Variants in HDAC5 observed in about 807,000 individuals in gnomAD.
HDAC5 encodes the protein histone deacetylase 5, also known as antigen NY-CO-9.
In HDAC5, 25 loss-of-function variants were observed where a neutral mutation model predicts 133.3. The observed-to-expected ratio is 0.19, with a 90% CI of 0.14 to 0.26. The LOEUF (loss-of-function observed/expected upper bound fraction) is 0.26. Among genes scored for constraint, HDAC5 ranks in the 10% least tolerant of loss-of-function variants. HDAC5 has a pLI of 1.00. For missense variants in HDAC5, 1,041 were observed against 1,460.5 expected (o/e 0.71, Z 4.68); for synonymous variants, 589 against 610.8 (o/e 0.96, Z 0.53).
Position 44,078,540 on chromosome 17 carries a change from C to T in HDAC5, c.3289G>A (p.Glu1097Lys), listed in dbSNP as rs866430035. 16 of 1,612,092 alleles carry T rather than the reference C, an allele frequency of 9.9e-6. No individual in the cohort carries two copies. The highest frequency in any genetic ancestry group is 2.2e-5 in the East Asian group (1 of 44,882). Residue 1097 changes from glutamate (E) to lysine (K), a missense_variant, in exon 26 of 27, where the codon GAG (glutamate) becomes AAG (lysine). Coordinates refer to ENST00000682912, the MANE Select transcript of HDAC5 (RefSeq NM_005474.5). ...CGGGCTGCCGCAGCCTGGGCCTGCT[C>T]GGCCCCCACCGACAGCAAGGCCATG... ...SAMALLSVGAEQAQAAAAREH... is the reference protein window; with the variant it reads ...SAMALLSVGAKQAQAAAAREH...
chr17:44,101,899 GGGAA>G (rs1307934446), intron 3 of HDAC5, among the ~76,000 whole-genome samples: 1 of 152,144 alleles, frequency 6.6e-6, no homozygotes, highest in Admixed American at 6.5e-5. Flanking sequence ...GAGGGGGGCA[GGGAA>G]GGATGTACAA....
At chr17:44,121,391 G>A (rs1273558151) in intron 1 of HDAC5, among the ~76,000 whole-genome samples, 1 of 151,932 alleles carries the variant, frequency 6.6e-6, no homozygotes, top group Non-Finnish European at 1.5e-5. Flanking sequence ...AAGCTACAGT[G>A]CTCCAAAAAT....
chr17:44,101,430 A>AAAAC, intron 3 of HDAC5, among the ~76,000 whole-genome samples: 1 of 151,098 alleles, frequency 6.6e-6, no homozygotes, highest in Non-Finnish European at 1.5e-5. Context: ...AAAAAAAAAA[A>AAAAC]AGACCCTGCT....
At position 44,085,106 on chromosome 17, in the gene HDAC5, G is replaced by A; in HGVS notation, c.2100C>T (p.Asn700=). 6.2e-7 allele frequency: 1 copy of A among 1,605,164 alleles called. No homozygotes were observed. Among genetic ancestry groups the A allele is most frequent in the Non-Finnish European group, 8.5e-7 (1 of 1,172,624 alleles). Residue 700 remains asparagine, a synonymous_variant, in exon 15 of 27, where the codon AAC becomes AAT. Coordinates refer to ENST00000682912, the MANE Select transcript of HDAC5 (RefSeq NM_005474.5). The part of the protein sequence containing the change: ...FMLKHQCMCG[N]THVHPEHAGR... ...CAGCATGCTCAGGGTGCACGTGTGT[G>A]TTCCCGCACATGCACTGGTGCTTTA...
chr17:44,099,293 C>A (rs1458778971), intron 3 of HDAC5, among the ~76,000 whole-genome samples: 13 of 151,964 alleles, frequency 8.6e-5, no homozygotes, highest in Admixed American at 8.5e-4. Flanking sequence ...GGGCCCCCCG[C>A]ACCCAGCTCT....
intron 3 of HDAC5, among the ~76,000 whole-genome samples, chr17:44,098,968 T>A (rs1346746586): frequency 6.6e-6 from 1 of 151,194 alleles, no homozygotes; most frequent in Admixed American, 6.6e-5. Context: ...ATTACAAAAT[T>A]AGCCGGGTGT....
In HDAC5 at chr17:44,087,360, GAGA is replaced by G. The variant is rs149320814; in HGVS notation, c.1884+49_1884+51del. 8.4e-4 allele frequency: 610 copies of G among 722,788 alleles called. 5 individuals are homozygous for G. The East Asian group carries it at 0.014, about 17-fold the overall frequency. 44.8% of individuals were successfully genotyped at this position (722,788 alleles called of 1,614,324 possible). A position where few individuals can be genotyped will look rare whatever the true frequency, so the allele number is the denominator to read the frequency against. ...AAAGACAAGGGCAGAGGCAGGGGTG[GAGA>G]AGGACAGAGGGGTGGTGACCAAGGA... On this transcript the variant is annotated intron_variant, in intron 13 of 26. Transcript: ENST00000682912.
chr17:44,102,097 A>G (rs370652699), intron 3 of HDAC5, among the ~76,000 whole-genome samples: 10 of 152,358 alleles, frequency 6.6e-5, no homozygotes, highest in South Asian at 2.1e-4. Flanking sequence ...CTGTGGACGC[A>G]CACTGACAGG....
At position 44,078,414 on chromosome 17, in the gene HDAC5, G is replaced by GC; in HGVS notation, c.3330dup (p.Pro1111AlafsTer26). ...TCCTGCTCCATGGGCTCCTCTGCCG[G>GC]CCTGTGGGGCAAGCACAGGGGAGGG... On this transcript the variant is annotated frameshift_variant and splice_region_variant, in exon 27 of 27. Transcript: ENST00000682912. LOFTEE classifies it high-confidence loss of function. 6.5e-7 allele frequency: 1 copy of GC among 1,534,694 alleles called. No individual in the cohort carries two copies. The highest frequency in any genetic ancestry group is 8.8e-7 in the Non-Finnish European group (1 of 1,138,924).
Position 44,098,175 on chromosome 17 carries a change from T to A in HDAC5, c.95-4341A>T, listed in dbSNP as rs571000310. Among the ~76,000 whole-genome samples, 44 of 152,170 alleles carry A rather than the reference T, an allele frequency of 2.9e-4. 1 individual carries two copies. The highest frequency in any genetic ancestry group is 1.3e-4 in the Admixed American group (2 of 15,276). ...AAGGAGGGGCATGGAGCCCCATGAA[T>A]AGAGTCTGCCCAGGCACAGACCCTG... On this transcript the variant is annotated intron_variant, in intron 3 of 26. Coordinates refer to ENST00000682912, the MANE Select transcript of HDAC5 (RefSeq NM_005474.5).
In HDAC5 at chr17:44,092,500, G is replaced by T; in HGVS notation, c.800C>A (p.Ser267Ter). 6.2e-7 allele frequency: 1 copy of T among 1,613,800 alleles called. No individual in the cohort carries two copies. The highest frequency in any genetic ancestry group is 8.5e-7 in the Non-Finnish European group (1 of 1,179,824). ...TASEPNLKVR[S>*]RLKQKVAERR... ...CTCAGCCACCTTCTGTTTTAGCCTT[G>T]AACGCACTTTCAAGTTGGGTTCAGA... The change falls in exon 8 of 27, where the codon TCA becomes TAA. Residue 267 changes from serine (S) to a stop codon, truncating the protein, a stop_gained. Transcript: ENST00000682912. LOFTEE classifies it high-confidence loss of function.
chr17:44,102,671 T>C (rs2051690912), intron 3 of HDAC5, among the ~76,000 whole-genome samples: 1 of 149,786 alleles, frequency 6.7e-6, no homozygotes, highest in African/African-American at 2.4e-5. Context: ...TTCTCTCTTT[T>C]TTTTTTTTTT....
At position 44,092,822 on chromosome 17, in the gene HDAC5, G is replaced by T. The variant is rs1433076732; in HGVS notation, c.642-16C>A. The T allele has an allele frequency of 3.6e-6, 3 of 828,306 alleles. No individual in the cohort carries two copies. The highest frequency in any genetic ancestry group is 5.6e-6 in the Non-Finnish European group (3 of 538,646). The allele number at this position is 828,306 out of a possible 1,614,324, so 51.3% of individuals were successfully genotyped here. A position where few individuals can be genotyped will look rare whatever the true frequency, so the allele number is the denominator to read the frequency against. On this transcript the variant is annotated splice_polypyrimidine_tract_variant and intron_variant, in intron 6 of 26. Coordinates refer to ENST00000682912, the MANE Select transcript of HDAC5 (RefSeq NM_005474.5). Reference sequence around the variant, plus strand: ...GTGGGCTCCCCTGGGGTGGGGGGGGGGTGGGGATGGAAGCAGATCTAGGTT... The same window carrying T: ...GTGGGCTCCCCTGGGGTGGGGGGGGTGTGGGGATGGAAGCAGATCTAGGTT...
Position 44,080,462 on chromosome 17 carries a change from C to G in HDAC5, c.2764G>C (p.Val922Leu). Reference protein sequence around the residue: ...GGPGVGYNVNVAWTGGVDPPI... With the variant: ...GGPGVGYNVNLAWTGGVDPPI... ...GGGTCCACACCTCCTGTCCATGCCACGTTCACATTGTACCCCACGCCTGGT... is the reference window on the plus strand; with the variant it reads ...GGGTCCACACCTCCTGTCCATGCCAGGTTCACATTGTACCCCACGCCTGGT... Residue 922 changes from valine to leucine, a missense_variant, in exon 22 of 27, where the codon GTG becomes CTG. Transcript: ENST00000682912. 1 of 1,614,158 alleles carries G rather than the reference C, an allele frequency of 6.2e-7. No individual in the cohort carries two copies. The highest frequency in any genetic ancestry group is 8.5e-7 in the Non-Finnish European group (1 of 1,180,028).
At chr17:44,114,448 G>C (rs879741219) in intron 2 of HDAC5, among the ~76,000 whole-genome samples, 32 of 151,874 alleles carry the variant, frequency 2.1e-4, no homozygotes, top group Admixed American at 1.4e-3. Flanking sequence ...GGGGGGGGGG[G>C]GCTGCTGCCC....
intron 17 of HDAC5, 72 bp from the exon 18 acceptor site, chr17:44,083,724 G>C (rs2050506390): frequency 6.3e-7 from 1 of 1,579,286 alleles, no homozygotes. Context: ...CTGGACAGTG[G>C]GCCAGCGGCT....
rs1017157927 is a variant in HDAC5 at position 44,092,158 on chromosome 17, A to G, written c.1032+14T>C. 2 of 1,609,056 alleles carry G rather than the reference A, an allele frequency of 1.2e-6. No homozygotes were observed. The highest frequency in any genetic ancestry group is 8.5e-7 in the Non-Finnish European group (1 of 1,176,054). On this transcript the variant is annotated intron_variant, in intron 9 of 26. Coordinates refer to ENST00000682912, the MANE Select transcript of HDAC5 (RefSeq NM_005474.5). ...CTCTGTCCCCGCCCCACCAGCCCCC[A>G]GCCAGGCCTGTACCTCAGTGGGGAT...
intron 18 of HDAC5, 123 bp from the exon 19 acceptor site, chr17:44,082,943 A>T (rs2050465672): frequency 1.3e-6 from 1 of 795,750 alleles, no homozygotes; most frequent in Non-Finnish European, 2.1e-6. Flanking sequence ...GCAGATCCAT[A>T]TGTTTAATGC....
rs752173045 is a variant in HDAC5, at chr17:44,093,815, C to T, written c.114G>A (p.Leu38=). The stretch of plus-strand genomic sequence containing the variant: ...CCATGGAACTGGGCATGGCTCTTGG[C>T]AGCACCGGCTTCACCTCCACTGTGG... The part of the protein sequence containing the change: ...IPVTVEVKPV[L]PRAMPSSMGG... The change falls in exon 4 of 27, where the codon CTG becomes CTA. Residue 38 remains leucine (L), a synonymous_variant. Transcript: ENST00000682912. 15 of 1,520,764 alleles carry T rather than the reference C, an allele frequency of 9.9e-6. No homozygotes were observed. Among genetic ancestry groups the T allele is most frequent in the African/African-American group, 2.8e-5 (2 of 72,090 alleles). The allele number at this position is 1,520,764 out of a possible 1,614,324, so 94.2% of individuals were successfully genotyped here. A position where few individuals can be genotyped will look rare whatever the true frequency, so the allele number is the denominator to read the frequency against.
Sources: allele counts gnomAD v4.1 joint callset (sites outside exome capture counted in the v4.1 genomes callset), GRCh38; gene constraint gnomAD v4.1.1; transcripts MANE v1.5; gene names NCBI Gene and HGNC (gene_info 2026-07-23, HGNC 2026-07-21).